Variants in TBC1D5 observed in about 807,000 individuals in gnomAD.
TBC1D5 encodes the protein TBC1 domain family, member 5.
A neutral mutation model predicts 100.3 loss-of-function variants in TBC1D5; 75 were observed. That is an observed-to-expected ratio of 0.75 (90% CI 0.62 to 0.91). The LOEUF (loss-of-function observed/expected upper bound fraction) is 0.91, where lower values mean the gene tolerates loss of function less well. TBC1D5 is among the 40% of genes least tolerant of loss of function. TBC1D5 has a pLI of 0.00. For synonymous variants in TBC1D5, 323 were observed against 325.6 expected, an observed-to-expected ratio of 0.99 and a Z score of 0.09; for missense variants, 910 against 942.4, an observed-to-expected ratio of 0.97 and a Z score of 0.45.
At chr3:17,217,048 C>T (rs2073730884) in intron 17 of TBC1D5, among the ~76,000 whole-genome samples, 1 of 152,130 alleles carries the variant, frequency 6.6e-6, no homozygotes, top group Non-Finnish European at 1.5e-5. Context: ...CCCCTCTTCC[C>T]ATAGTCCCTG....
intron 15 of TBC1D5, among the ~76,000 whole-genome samples, chr3:17,281,550 T>C (rs1436526305): frequency 6.6e-6 from 1 of 152,220 alleles, no homozygotes; most frequent in Non-Finnish European, 1.5e-5. Context: ...TACTGAGGTA[T>C]AGAGAAAATC....
intron 13 of TBC1D5, among the ~76,000 whole-genome samples, chr3:17,344,166 C>T (rs2089491048): frequency 6.6e-6 from 1 of 152,042 alleles, no homozygotes; most frequent in African/African-American, 2.4e-5. Flanking sequence ...TCTAGAAAAC[C>T]CGATTGTCTC....
At chr3:17,643,925 CTAAGGGG>C (rs2064776903) in intron 1 of TBC1D5, 1 of 152,092 alleles carries the variant, frequency 6.6e-6, no homozygotes, top group Non-Finnish European at 1.5e-5. Flanking sequence ...ACATTTGAGG[CTAAGGGG>C]TAAGCATTCC....
intron 13 of TBC1D5, among the ~76,000 whole-genome samples, chr3:17,326,577 A>G (rs2086172233): frequency 6.6e-6 from 1 of 152,168 alleles, no homozygotes; most frequent in African/African-American, 2.4e-5. Flanking sequence ...AGATGAAGCA[A>G]TTCTCCTGCC....
intron 1 of TBC1D5, among the ~76,000 whole-genome samples, chr3:17,624,925 A>C (rs1342406899): frequency 2.6e-5 from 4 of 152,134 alleles, no homozygotes; most frequent in Admixed American, 2.6e-4. Context: ...TAAAGTCCAT[A>C]ATCATCTAAA....
intron 3 of TBC1D5, among the ~76,000 whole-genome samples, chr3:17,484,491 T>TG: frequency 7.3e-6 from 1 of 136,618 alleles, no homozygotes; most frequent in African/African-American, 2.7e-5. Context: ...TGTGTGTGTT[T>TG]GGGTAACAAT....
At chr3:17,201,929 T>G (rs949364712) in intron 18 of TBC1D5, among the ~76,000 whole-genome samples, 2 of 152,032 alleles carry the variant, frequency 1.3e-5, no homozygotes, top group African/African-American at 4.8e-5. Context: ...GTACTAGGAG[T>G]GTGGCAGCAT....
intron 2 of TBC1D5, among the ~76,000 whole-genome samples, chr3:17,529,018 A>G (rs551541462): frequency 6.6e-6 from 1 of 152,308 alleles, no homozygotes; most frequent in East Asian, 1.9e-4. Context: ...TCTGGACAAG[A>G]ACTCCCAGAA....
chr3:17,342,362 T>C (rs1575428607), intron 13 of TBC1D5, among the ~76,000 whole-genome samples: 4 of 152,242 alleles, frequency 2.6e-5, no homozygotes, highest in Admixed American at 2.6e-4. Flanking sequence ...ATGACCATTC[T>C]TATTCTGACA....
intron 15 of TBC1D5, among the ~76,000 whole-genome samples, chr3:17,261,899 T>G (rs2078338219): frequency 6.6e-6 from 1 of 151,618 alleles, no homozygotes; most frequent in Non-Finnish European, 1.5e-5. Flanking sequence ...TTTCTAACCT[T>G]TAAAGTTCTG....
chr3:17,475,485 G>C (rs1242630424), intron 3 of TBC1D5, among the ~76,000 whole-genome samples: 1 of 151,796 alleles, frequency 6.6e-6, no homozygotes, highest in Non-Finnish European at 1.5e-5. Flanking sequence ...CTAGTCAGTT[G>C]CCCAATGCCA....
At chr3:17,487,684 A>C (rs2095587538) in intron 3 of TBC1D5, among the ~76,000 whole-genome samples, 1 of 152,198 alleles carries the variant, frequency 6.6e-6, no homozygotes, top group Non-Finnish European at 1.5e-5. Flanking sequence ...TGAGTATTCA[A>C]CATATTTCAA....
chr3:17,259,318 T>G (rs80284829), intron 15 of TBC1D5, among the ~76,000 whole-genome samples: 2,007 of 152,304 alleles, frequency 0.013, 37 homozygotes, highest in African/African-American at 0.045. Context: ...CGGTGTCTGT[T>G]TATATGTGTT....
chr3:17,310,050 T>C (rs1476868898), intron 13 of TBC1D5, among the ~76,000 whole-genome samples: 2 of 152,048 alleles, frequency 1.3e-5, no homozygotes, highest in Non-Finnish European at 2.9e-5. Flanking sequence ...AGCAATCACA[T>C]CTTAGATTTC....
intron 4 of TBC1D5, among the ~76,000 whole-genome samples, chr3:17,413,991 A>G (rs1345816323): frequency 1.3e-5 from 2 of 152,242 alleles, no homozygotes; most frequent in Non-Finnish European, 2.9e-5. Flanking sequence ...GGGGAAAGCC[A>G]AAAGTCACAG....
At chr3:17,339,386 T>C (rs143285726) in intron 13 of TBC1D5, among the ~76,000 whole-genome samples, 14 of 152,212 alleles carry the variant, frequency 9.2e-5, no homozygotes, top group African/African-American at 3.1e-4. Context: ...AACTGTTTAT[T>C]CCTAGGAGCC....
At chr3:17,377,675 T>A (rs17043525) in intron 9 of TBC1D5, among the ~76,000 whole-genome samples, 2 of 152,004 alleles carry the variant, frequency 1.3e-5, no homozygotes, top group Admixed American at 1.3e-4. Flanking sequence ...CAGAGTCACA[T>A]AGTCCTCTGC....
chr3:17,334,520 A>G (rs962840998), intron 13 of TBC1D5, among the ~76,000 whole-genome samples: 3 of 152,170 alleles, frequency 2.0e-5, no homozygotes, highest in Non-Finnish European at 4.4e-5. Flanking sequence ...AACTTGACCA[A>G]CATTACAGAG....
At chr3:17,435,264 C>G (rs936822795) in intron 3 of TBC1D5, among the ~76,000 whole-genome samples, 40 of 152,066 alleles carry the variant, frequency 2.6e-4, no homozygotes, top group East Asian at 9.7e-4. Flanking sequence ...GTCTCTTCCA[C>G]ATTTTTGGGT....
Sources: gnomAD v4.1 joint callset for allele counts (sites outside exome capture counted in the v4.1 genomes callset) on GRCh38, gnomAD v4.1.1 for gene constraint, MANE v1.5 for transcripts, NCBI Gene and HGNC (gene_info 2026-07-23, HGNC 2026-07-21) for gene names.